Variants in TLN2 observed in about 807,000 individuals in gnomAD.
TLN2 encodes talin-2.
A neutral mutation model predicts 294.7 loss-of-function variants in TLN2; 118 were observed. The ratio of observed to expected loss-of-function variants is 0.40; its 90% confidence interval spans 0.34 to 0.47. The LOEUF is 0.47. TLN2 is among the 20% of genes least tolerant of loss of function. The probability of loss-of-function intolerance (pLI) is 0.84; values close to 1 mark genes in which losing one functional copy is unlikely to be tolerated. For synonymous variants in TLN2, 1,431 were observed against 1,304.5 expected, an observed-to-expected ratio of 1.10 and a Z score of -2.09; for missense variants, 3,083 against 3,282.2, an observed-to-expected ratio of 0.94 and a Z score of 1.48.
chr15:62,753,295 C>T (rs1057322540), intron 35 of TLN2, among the ~76,000 whole-genome samples: 3 of 152,156 alleles, frequency 2.0e-5, no homozygotes, highest in African/African-American at 4.8e-5. Context: ...GGACATGCTT[C>T]GGTAAGCTAC....
chr15:62,691,838 T>TA (rs879805197), intron 12 of TLN2, among the ~76,000 whole-genome samples: 202 of 145,458 alleles, frequency 1.4e-3, no homozygotes, highest in African/African-American at 3.7e-3. Context: ...CCTGGCTAAT[T>TA]AAAAAAAAAA....
rs545437802 is a variant in TLN2, at chr15:62,520,685, C to T, written c.-237-69002C>T. Among the ~76,000 whole-genome samples, 10 of 152,124 alleles carry T rather than the reference C, an allele frequency of 6.6e-5. No homozygotes were observed. The East Asian group carries it at 1.5e-3, about 24-fold the overall frequency. On this transcript the variant is annotated intron_variant, in intron 1 of 58. Coordinates refer to ENST00000636159, the MANE Select transcript of TLN2 (RefSeq NM_015059.3). ...AAAGATAACCGTATATGTTGCTAAG[C>T]GGAAAAAGTAGCATCATATTGCAGA...
intron 50 of TLN2, among the ~76,000 whole-genome samples, chr15:62,804,340 G>A (rs56103308): frequency 5.0e-3 from 764 of 152,316 alleles, no homozygotes; most frequent in Non-Finnish European, 8.4e-3. Flanking sequence ...GCGCACGCCT[G>A]TAATTCCAGC....
At position 62,401,824 on chromosome 15, in the gene TLN2, C is replaced by A. The variant is rs78780678; in HGVS notation, c.-238+11139C>A. On this transcript the variant is annotated intron_variant, in intron 1 of 58. Transcript: ENST00000636159. ...TCTTTCAGTTATCTTTTCCTCTACCCTGCTTCAGCCATCGCTCACATGGTT... is the reference window on the plus strand; with the variant it reads ...TCTTTCAGTTATCTTTTCCTCTACCATGCTTCAGCCATCGCTCACATGGTT... Among the ~76,000 whole-genome samples the A allele has an allele frequency of 1.5e-3, 235 of 152,314 alleles. 7 individuals carry two copies. In the East Asian group the frequency reaches 0.044, roughly 28 times the overall value.
chr15:62,779,346 C>T (rs74020655), intron 43 of TLN2, among the ~76,000 whole-genome samples: 2,712 of 152,082 alleles, frequency 0.018, 86 homozygotes, highest in African/African-American at 0.061. Flanking sequence ...TTTTTGTTTT[C>T]GTTTTGTTTT....
intron 57 of TLN2, 122 bp downstream of exon 57, chr15:62,836,195 C>T (rs1051353051): frequency 7.8e-5 from 107 of 1,372,932 alleles, no homozygotes; most frequent in Non-Finnish European, 8.8e-5. Context: ...GCCCTGTCCA[C>T]GTTCCAGCCT....
At chr15:62,639,583 A>G (rs1461241078) in intron 3 of TLN2, among the ~76,000 whole-genome samples, 1 of 152,128 alleles carries the variant, frequency 6.6e-6, no homozygotes. Flanking sequence ...TGGTCTCCCT[A>G]CTCTGGCTGC....
rs556277981 is a variant in TLN2, at chr15:62,779,094, A to G, written c.5515-2046A>G. Among the ~76,000 whole-genome samples, 41 of 152,342 alleles carry G rather than the reference A, an allele frequency of 2.7e-4. 1 individual carries two copies. Among genetic ancestry groups the G allele is most frequent in the Non-Finnish European group, 4.4e-5 (3 of 68,016 alleles). On this transcript the variant is annotated intron_variant, in intron 43 of 58. Transcript: ENST00000636159. ...ATTATAGAAAAACCTGAGTGTAGCCAGAGTTAATTCTAACTTGGATGTGAC... is the reference window on the plus strand; with the variant it reads ...ATTATAGAAAAACCTGAGTGTAGCCGGAGTTAATTCTAACTTGGATGTGAC...
rs1265846721 is a variant in TLN2, at chr15:62,468,693, T to C, written c.-238+78008T>C. Among the ~76,000 whole-genome samples, 3 of 147,558 alleles carry C rather than the reference T, an allele frequency of 2.0e-5. No homozygotes were observed. The East Asian group carries it at 6.2e-4, about 30-fold the overall frequency. On this transcript the variant is annotated intron_variant, in intron 1 of 58. Transcript: ENST00000636159. ...CCGGGAGGCGGAGCTTGCAGTGAGC[T>C]GAGATTGCACCACTGCACTCCAGCC...
intron 21 of TLN2, among the ~76,000 whole-genome samples, chr15:62,709,810 C>G (rs150622373): frequency 0.025 from 3,739 of 151,948 alleles, 76 homozygotes; most frequent in Middle Eastern, 0.058. Flanking sequence ...TCTTGGCTCA[C>G]TGCAACCTCC....
intron 52 of TLN2, among the ~76,000 whole-genome samples, chr15:62,813,249 C>T (rs1415421322): frequency 6.6e-6 from 1 of 152,212 alleles, no homozygotes; most frequent in African/African-American, 2.4e-5. Flanking sequence ...TTGTGTGTTA[C>T]AAACTTGCAT....
intron 35 of TLN2, 132 bp downstream of exon 35, chr15:62,752,559 T>C (rs2061995608): frequency 1.5e-6 from 2 of 1,338,452 alleles, no homozygotes; most frequent in Non-Finnish European, 2.0e-6. Context: ...GCTTCTGTGC[T>C]GGCTGGGGCA....
chr15:62,507,168 G>A (rs1467041755), intron 1 of TLN2, among the ~76,000 whole-genome samples: 1 of 152,166 alleles, frequency 6.6e-6, no homozygotes, highest in Non-Finnish European at 1.5e-5. Flanking sequence ...AGATAAATGT[G>A]CTCAGATAAT....
intron 1 of TLN2, among the ~76,000 whole-genome samples, chr15:62,400,596 C>T (rs2032944144): frequency 6.6e-6 from 1 of 151,986 alleles, no homozygotes; most frequent in South Asian, 2.1e-4. Context: ...TCATGTCATA[C>T]ATGCATATTC....
chr15:62,509,574 C>G (rs1158950604), intron 1 of TLN2, among the ~76,000 whole-genome samples: 1 of 152,184 alleles, frequency 6.6e-6, no homozygotes, highest in Non-Finnish European at 1.5e-5. Context: ...GTCATCCTCT[C>G]TCCTATCTTC....
chr15:62,399,285 A>AG (rs2032833349), intron 1 of TLN2, among the ~76,000 whole-genome samples: 1 of 147,212 alleles, frequency 6.8e-6, no homozygotes, highest in Non-Finnish European at 1.5e-5. Flanking sequence ...AAAAAAAAAA[A>AG]GTAAGAAATG....
At chr15:62,453,765 CCT>C (rs962027529) in intron 1 of TLN2, 2 of 152,214 alleles carry the variant, frequency 1.3e-5, no homozygotes, top group African/African-American at 4.8e-5. Context: ...GCATTGAATC[CCT>C]CTCTCTGTGT....
intron 16 of TLN2, among the ~76,000 whole-genome samples, chr15:62,700,193 T>C (rs1015923472): frequency 1.3e-5 from 2 of 152,182 alleles, no homozygotes; most frequent in Non-Finnish European, 2.9e-5. Context: ...TTTTAAAATA[T>C]TTAAGATTTA....
intron 37 of TLN2, among the ~76,000 whole-genome samples, chr15:62,757,372 A>G (rs1014739802): frequency 2.6e-5 from 4 of 152,222 alleles, no homozygotes; most frequent in African/African-American, 9.6e-5. Flanking sequence ...GGAAAGAGCG[A>G]TAGAGTTGAC....
Sources: allele counts gnomAD v4.1 joint callset (sites outside exome capture counted in the v4.1 genomes callset), GRCh38; gene constraint gnomAD v4.1.1; transcripts MANE v1.5; gene names NCBI Gene and HGNC (gene_info 2026-07-23, HGNC 2026-07-21).